The following ELP1 variants were observed in gnomAD, a reference collection of about 807,000 sequenced individuals.
ELP1 encodes elongator acetyltransferase complex subunit 1.
In ELP1, 131 loss-of-function variants were observed where a neutral mutation model predicts 183.2. The ratio of observed to expected loss-of-function variants is 0.72; its 90% CI spans 0.62 to 0.83. The LOEUF is 0.83. Among genes scored for constraint, ELP1 ranks in the 40% least tolerant of loss-of-function variants. ELP1 has a pLI of 0.00. For synonymous variants in ELP1, 555 were observed against 569.0 expected, an observed-to-expected ratio of 0.98 and a Z score of 0.35; for missense variants, 1,550 against 1,594.9, an observed-to-expected ratio of 0.97 and a Z score of 0.48.
intron 26 of ELP1, 117 bp downstream of exon 26, chr9:108,893,826 G>A: frequency 9.1e-7 from 1 of 1,103,786 alleles, no homozygotes; most frequent in Non-Finnish European, 1.4e-6. Flanking sequence ...AATTGTTAGA[G>A]TTTTCAGGAG....
intron 7 of ELP1, 53 bp from the exon 8 acceptor site, chr9:108,918,954 AG>A: frequency 7.3e-7 from 1 of 1,366,006 alleles, no homozygotes; most frequent in Non-Finnish European, 1.0e-6. Flanking sequence ...TTATGATAAA[AG>A]TTGTCAATTC....
rs941782750 is a variant in ELP1 at position 108,878,284 on chromosome 9, T to C, written c.3701-135A>G. On this transcript the variant is annotated intron_variant, in intron 34 of 36. Transcript: ENST00000374647. The stretch of plus-strand genomic sequence containing the variant: ...CCTTTCTCCCACATTATCTTTTTTC[T>C]TCCCAAATGCTGGAATAATTAAACA... 9.0e-6 allele frequency: 7 copies of C among 775,166 alleles called. No homozygotes were observed. The East Asian group carries it at 1.9e-4, about 21-fold the overall frequency. 48.0% of individuals were successfully genotyped at this position (775,166 alleles called of 1,614,324 possible).
chr9:108,895,230 A>AAAAT (rs895187729), intron 25 of ELP1, among the ~76,000 whole-genome samples: 1 of 152,154 alleles, frequency 6.6e-6, no homozygotes, highest in Non-Finnish European at 1.5e-5. Context: ...CCTTGTCTCA[A>AAAAT]AAATAAATAA....
At position 108,910,400 on chromosome 9, in the gene ELP1, A is replaced by T. The variant is rs557088255; in HGVS notation, c.1360+610T>A. 4.6e-5 allele frequency among the ~76,000 whole-genome samples: 7 copies of T among 152,354 alleles called. No individual in the cohort carries two copies. The East Asian group carries it at 1.3e-3, about 29-fold the overall frequency. On this transcript the variant is annotated intron_variant, in intron 12 of 36. Coordinates refer to ENST00000374647, the MANE Select transcript of ELP1 (RefSeq NM_003640.5). Reference sequence around the variant, plus strand: ...GAGAATTCAAAAGATATTTGAAAACAAGGCTAACACTGCCATATGCCAGCA... The same window carrying T: ...GAGAATTCAAAAGATATTTGAAAACTAGGCTAACACTGCCATATGCCAGCA...
rs1225967788 is a variant in ELP1, at chr9:108,917,516, A to G, written c.864+31T>C. The G allele has an allele frequency of 1.9e-6, 3 of 1,611,046 alleles. No individual in the cohort carries two copies. The Admixed American group carries it at 5.0e-5, about 27-fold the overall frequency. ...TCTATAGCTATGGAAAGTCCTCTACATTCGAGGGTGAAACAAACTCAGGCA... is the reference window on the plus strand; with the variant it reads ...TCTATAGCTATGGAAAGTCCTCTACGTTCGAGGGTGAAACAAACTCAGGCA... On this transcript the variant is annotated intron_variant, in intron 9 of 36. Coordinates refer to ENST00000374647, the MANE Select transcript of ELP1 (RefSeq NM_003640.5).
chr9:108,881,795 A>T, intron 30 of ELP1, 30 bp from the exon 31 acceptor site: 1 of 1,290,438 alleles, frequency 7.7e-7, no homozygotes, highest in Non-Finnish European at 1.1e-6. Flanking sequence ...AATTTTAGGA[A>T]GGAAAACTTC....
At chr9:108,882,080 T>C in intron 30 of ELP1, 45 bp downstream of exon 30, 1 of 1,530,378 alleles carries the variant, frequency 6.5e-7, no homozygotes, top group East Asian at 2.2e-5. Context: ...TTGCTTGCTC[T>C]CTCTGCTTAG....
chr9:108,876,935 T>C (rs1325736165), intron 35 of ELP1, among the ~76,000 whole-genome samples: 4 of 152,174 alleles, frequency 2.6e-5, no homozygotes, highest in African/African-American at 9.7e-5. Context: ...TTCTCCATGT[T>C]GGCCACATTA....
chr9:108,892,232 G>A (rs548374277), intron 27 of ELP1, among the ~76,000 whole-genome samples: 1 of 152,268 alleles, frequency 6.6e-6, no homozygotes, highest in Admixed American at 6.5e-5. Context: ...TAACCCAAGG[G>A]TTCTGATGGA....
chr9:108,880,259 G>T, intron 31 of ELP1, 94 bp from the exon 32 acceptor site: 1 of 821,634 alleles, frequency 1.2e-6, no homozygotes. Flanking sequence ...TTAAAATTCA[G>T]CAAAAAGAAA....
At position 108,868,758 on chromosome 9, in the gene ELP1, C is replaced by T; in HGVS notation, c.*357G>A. 1.8e-6 allele frequency: 1 copy of T among 553,748 alleles called. No individual in the cohort carries two copies. Among genetic ancestry groups the T allele is most frequent in the Non-Finnish European group, 3.2e-6 (1 of 314,512 alleles). The allele number at this position is 553,748 out of a possible 1,614,324, so 34.3% of individuals were successfully genotyped here. A position where few individuals can be genotyped will look rare whatever the true frequency, so the allele number is the denominator to read the frequency against. On this transcript the variant is annotated 3_prime_UTR_variant, in exon 37 of 37. Transcript: ENST00000374647. ...AATCTTCTCCGCCAACAAAATAAGA[C>T]AATTTAGAAACATTGTTTTACTTGT...
rs368802950 is a variant in ELP1 at position 108,911,060 on chromosome 9, T to C, written c.1310A>G (p.Asn437Ser). The C allele has an allele frequency of 6.2e-7, 1 of 1,614,002 alleles. No homozygotes were observed. Among genetic ancestry groups the C allele is most frequent in the Non-Finnish European group, 8.5e-7 (1 of 1,179,988 alleles). The stretch of plus-strand genomic sequence containing the variant: ...ACTGGCATCTAGAACAGCAAGGTCA[T>C]TACTCTTTTGAGGGTGTGCTAAGAA... ...VTFLAHPQKS[N>S]DLAVLDASNQ... The change falls in exon 12 of 37, where the codon AAT (asparagine) becomes AGT (serine). Residue 437 changes from asparagine (N) to serine (S), a missense_variant. By Grantham distance (46) the Asn-to-Ser change is conservative. Coordinates refer to ENST00000374647, the MANE Select transcript of ELP1 (RefSeq NM_003640.5).
chr9:108,899,024 C>T (rs112594968), intron 20 of ELP1, among the ~76,000 whole-genome samples: 40 of 152,086 alleles, frequency 2.6e-4, no homozygotes, highest in African/African-American at 9.4e-4. Context: ...AGCCCGGGCA[C>T]GGTGGTTCAC....
At position 108,897,218 on chromosome 9, in the gene ELP1, G is replaced by T. The variant is rs765376716; in HGVS notation, c.2431C>A (p.Pro811Thr). ...VTSSVYLSRD[P>T]DGNKIDLVCD... ...ACAAGGTCTATTTTATTCCCGTCAG[G>T]ATCCCTGGACAGGTAGACACTGCTG... is the stretch of plus-strand genomic sequence containing the variant. The change falls in exon 23 of 37, where the codon CCT (proline) becomes ACT (threonine). Residue 811 changes from proline to threonine, a missense_variant. Physicochemically the swap from Pro to Thr is conservative, Grantham distance 38. Transcript: ENST00000374647. The T allele has an allele frequency of 1.2e-6, 2 of 1,613,988 alleles. No homozygotes were observed.
intron 26 of ELP1, 38 bp downstream of exon 26, chr9:108,893,905 T>C (rs775586976): frequency 6.2e-7 from 1 of 1,611,172 alleles, no homozygotes; most frequent in African/African-American, 1.3e-5. Context: ...CCAAAGAAGA[T>C]CTGAAGTAGA....
intron 6 of ELP1, 38 bp from the exon 7 acceptor site, chr9:108,919,387 C>G: frequency 7.4e-7 from 1 of 1,342,826 alleles, no homozygotes; most frequent in Non-Finnish European, 1.1e-6. Flanking sequence ...ACTGGGGGAC[C>G]TTAAGTATCC....
chr9:108,899,667 TAAA>T (rs369301164), intron 20 of ELP1, among the ~76,000 whole-genome samples, 152 bp downstream of exon 20: 6 of 138,630 alleles, frequency 4.3e-5, no homozygotes, highest in Non-Finnish European at 9.5e-5. Flanking sequence ...GTAAAAAAGT[TAAA>T]AAAAAAAAAA....
chr9:108,908,308 T>A lies in ELP1; in HGVS notation c.1457A>T (p.Tyr486Phe). 6.2e-7 allele frequency: 1 copy of A among 1,610,534 alleles called. No individual in the cohort carries two copies. Among genetic ancestry groups the A allele is most frequent in the Non-Finnish European group, 8.5e-7 (1 of 1,176,668 alleles). ...CLRTPHLEKR[Y>F]KIQFENNEDQ... ...CCCAAGATAATTAAGAACCTACTTG[T>A]ATCTCTTTTCCAAATGAGGAGTTCT... The change falls in exon 13 of 37, where the codon TAC becomes TTC. Residue 486 changes from tyrosine to phenylalanine, a missense_variant. Transcript: ENST00000374647.
At chr9:108,914,794 T>C (rs1336166625) in intron 10 of ELP1, among the ~76,000 whole-genome samples, 1 of 152,086 alleles carries the variant, frequency 6.6e-6, no homozygotes, top group East Asian at 1.9e-4. Flanking sequence ...CCCAGCTAAT[T>C]TTTTGTATTT....
Sources: gnomAD v4.1 joint callset for allele counts (sites outside exome capture counted in the v4.1 genomes callset) on GRCh38, gnomAD v4.1.1 for gene constraint, MANE v1.5 for transcripts, NCBI Gene and HGNC (gene_info 2026-07-23, HGNC 2026-07-21) for gene names.